MOCS2: variants seen among roughly 807,000 people sequenced by gnomAD.
The protein encoded by MOCS2 is molybdopterin synthase catalytic subunit.
MOCS2 carries 13 observed loss-of-function variants against 21.9 expected under a neutral mutation model. The ratio of observed to expected loss-of-function variants is 0.59; its 90% CI spans 0.39 to 0.94. The LOEUF is 0.94. Among genes scored for constraint, MOCS2 ranks in the 40% least tolerant of loss-of-function variants. The probability of loss-of-function intolerance (pLI) is 0.00; values close to 1 mark genes in which losing one functional copy is unlikely to be tolerated. For missense variants in MOCS2, 227 were observed against 218.3 expected (o/e 1.04, Z -0.25); for synonymous variants, 92 against 80.8 (o/e 1.14, Z -0.74).
intron 3 of MOCS2, among the ~76,000 whole-genome samples, chr5:53,106,398 G>A (rs1309990796): frequency 6.6e-6 from 1 of 152,174 alleles, no homozygotes; most frequent in Non-Finnish European, 1.5e-5. Flanking sequence ...GTCCTTTGCA[G>A]GGACATGGAT....
rs2112081965 is a variant in MOCS2, at chr5:53,100,411, CT to C, written c.500del (p.Lys167ArgfsTer28). On this transcript the variant is annotated frameshift_variant and splice_region_variant, in exon 6 of 7. Coordinates refer to ENST00000396954, the MANE Select transcript of MOCS2 (RefSeq NM_004531.5). LOFTEE classifies it high-confidence loss of function. ...TLKAKVPIWK[K>X]EIYEESSTWK... ...AAAATGTGTTATTTTCTTAACTTAC[CT>C]TTTTCCATATGGGCACCTTGGCTTT... The C allele has an allele frequency of 1.2e-6, 2 of 1,613,574 alleles. No homozygotes were observed. The highest frequency in any genetic ancestry group is 1.7e-6 in the Non-Finnish European group (2 of 1,179,682).
At chr5:53,107,411 T>C (rs1741080553) in intron 2 of MOCS2, 190 bp from the exon 3 acceptor site, 1 of 580,308 alleles carries the variant, frequency 1.7e-6, no homozygotes, top group East Asian at 2.9e-5. Flanking sequence ...ACCACAAAGA[T>C]ACGTTAAACT....
intron 4 of MOCS2, 126 bp downstream of exon 4, chr5:53,101,971 C>A: frequency 1.0e-6 from 1 of 972,408 alleles, no homozygotes. Context: ...AGTCTACCCA[C>A]CATCATCGGT....
At position 53,097,618 on chromosome 5, in the gene MOCS2, A is replaced by T. The variant is rs1023434299; in HGVS notation, c.*984T>A. 2 of 152,216 alleles carry T rather than the reference A, an allele frequency of 1.3e-5. No homozygotes were observed. The highest frequency in any genetic ancestry group is 4.8e-5 in the African/African-American group (2 of 41,460). The allele number at this position is 152,216 out of a possible 1,614,324, so 9.4% of individuals were successfully genotyped here. A position where few individuals can be genotyped will look rare whatever the true frequency, so the allele number is the denominator to read the frequency against. On this transcript the variant is annotated 3_prime_UTR_variant, in exon 7 of 7. Transcript: ENST00000396954. The stretch of plus-strand genomic sequence containing the variant: ...GAAATTTGCTGAGAGTAGACCTTAA[A>T]TATTCTCACCACACAGAAGAGGGGA...
chr5:53,102,071 T>G (rs767023422), intron 4 of MOCS2, 26 bp downstream of exon 4: 1 of 1,609,180 alleles, frequency 6.2e-7, no homozygotes, highest in Non-Finnish European at 8.5e-7. Flanking sequence ...TATACAGTGA[T>G]AGATGCAATG....
At chr5:53,105,691 C>CA (rs1201113232) in intron 3 of MOCS2, among the ~76,000 whole-genome samples, 2 of 152,104 alleles carry the variant, frequency 1.3e-5, no homozygotes, top group Non-Finnish European at 2.9e-5. Flanking sequence ...AAAGAAGACT[C>CA]AAAAAGCAAT....
In MOCS2 at chr5:53,097,540, G is replaced by C. The variant is rs1014438438; in HGVS notation, c.*1062C>G. 1.3e-5 allele frequency: 2 copies of C among 152,032 alleles called. No homozygotes were observed. The highest frequency in any genetic ancestry group is 4.8e-5 in the African/African-American group (2 of 41,382). The allele number at this position is 152,032 out of a possible 1,614,324, so 9.4% of individuals were successfully genotyped here. A position where few individuals can be genotyped will look rare whatever the true frequency, so the allele number is the denominator to read the frequency against. Reference sequence around the variant, plus strand: ...ATAATGCAAATTTTGTGATGATGCCGACTGCCCAAATTTTGCCTGTATTTT... The same window carrying C: ...ATAATGCAAATTTTGTGATGATGCCCACTGCCCAAATTTTGCCTGTATTTT... On this transcript the variant is annotated 3_prime_UTR_variant, in exon 7 of 7. Coordinates refer to ENST00000396954, the MANE Select transcript of MOCS2 (RefSeq NM_004531.5).
At chr5:53,100,380 C>T in intron 6 of MOCS2, 31 bp downstream of exon 6, 2 of 1,612,944 alleles carry the variant, frequency 1.2e-6, no homozygotes, top group Non-Finnish European at 1.7e-6. Flanking sequence ...ATCAGGTCCA[C>T]ATGCTAAAAT....
chr5:53,097,732 T>C lies in MOCS2; in HGVS notation c.*870A>G, dbSNP rs1740785952. On this transcript the variant is annotated 3_prime_UTR_variant, in exon 7 of 7. Transcript: ENST00000396954. Reference sequence around the variant, plus strand: ...GTATCAAAAATCACATTGTATACTTTAAATACATACAATTTTTGTCAAGTA... The same window carrying C: ...GTATCAAAAATCACATTGTATACTTCAAATACATACAATTTTTGTCAAGTA... 6.6e-6 allele frequency: 1 copy of C among 152,182 alleles called. No homozygotes were observed. The highest frequency in any genetic ancestry group is 1.5e-5 in the Non-Finnish European group (1 of 68,034). The allele number at this position is 152,182 out of a possible 1,614,324, so 9.4% of individuals were successfully genotyped here. A position where few individuals can be genotyped will look rare whatever the true frequency, so the allele number is the denominator to read the frequency against.
At chr5:53,108,389 C>CA (rs1175222834) in intron 2 of MOCS2, 133 bp downstream of exon 2, 120 of 888,798 alleles carry the variant, frequency 1.4e-4, no homozygotes, top group Middle Eastern at 7.8e-4. Context: ...TCAGGTGTTC[C>CA]AAAAAAAATA....
At chr5:53,104,514 A>G (rs988788324) in intron 3 of MOCS2, among the ~76,000 whole-genome samples, 24 of 152,222 alleles carry the variant, frequency 1.6e-4, no homozygotes, top group Admixed American at 5.2e-4. Flanking sequence ...AAAAAACTGC[A>G]TTTTTAGAAC....
intron 3 of MOCS2, among the ~76,000 whole-genome samples, chr5:53,103,377 A>C (rs1287649084): frequency 6.6e-6 from 1 of 152,160 alleles, no homozygotes; most frequent in Non-Finnish European, 1.5e-5. Context: ...TATGGTACCA[A>C]GCACCACACC....
rs554292176 is a variant in MOCS2 at position 53,105,050 on chromosome 5, A to T, written c.98+2027T>A. Reference sequence around the variant, plus strand: ...TTGTTTAGAAAGATGACAAGGTAGCATGGGTCAAAGAGCCACCTGCAACAC... The same window carrying T: ...TTGTTTAGAAAGATGACAAGGTAGCTTGGGTCAAAGAGCCACCTGCAACAC... On this transcript the variant is annotated intron_variant, in intron 3 of 6. Coordinates refer to ENST00000396954, the MANE Select transcript of MOCS2 (RefSeq NM_004531.5). Among the ~76,000 whole-genome samples the T allele has an allele frequency of 1.4e-4, 22 of 152,298 alleles. 1 individual carries two copies. The highest frequency in any genetic ancestry group is 2.0e-4 in the Admixed American group (3 of 15,304).
At chr5:53,101,641 T>G in intron 4 of MOCS2, 132 bp from the exon 5 acceptor site, 7 of 716,884 alleles carry the variant, frequency 9.8e-6, no homozygotes, top group Non-Finnish European at 1.4e-5. Flanking sequence ...TACCAATTCT[T>G]CTAAAACTAC....
intron 3 of MOCS2, among the ~76,000 whole-genome samples, chr5:53,102,679 G>A (rs1740947233): frequency 6.6e-6 from 1 of 152,142 alleles, no homozygotes; most frequent in East Asian, 1.9e-4. Flanking sequence ...GGGACCAGTG[G>A]CTCACACCTG....
chr5:53,101,044 A>T (rs1740893794), intron 5 of MOCS2: 1 of 408,884 alleles, frequency 2.4e-6, no homozygotes, highest in African/African-American at 2.0e-5. Context: ...AGGGGTACAA[A>T]AAGGCAAACC....
chr5:53,105,441 T>C (rs1032822889), intron 3 of MOCS2, among the ~76,000 whole-genome samples: 2 of 152,100 alleles, frequency 1.3e-5, no homozygotes, highest in Admixed American at 6.5e-5. Context: ...AACTATCTGA[T>C]CTTCAACAAA....
chr5:53,098,702 G>T, intron 6 of MOCS2, 35 bp from the exon 7 acceptor site: 1 of 1,390,270 alleles, frequency 7.2e-7, no homozygotes, highest in South Asian at 1.2e-5. Context: ...ATTAAAAATA[G>T]ACCATTCTAC....
intron 1 of MOCS2, among the ~76,000 whole-genome samples, chr5:53,108,992 T>C (rs1006161480): frequency 2.6e-5 from 4 of 152,210 alleles, no homozygotes; most frequent in African/African-American, 9.7e-5. Flanking sequence ...GAACAAATGT[T>C]TGAGTCAAGA....
Sources: gnomAD v4.1 joint callset for allele counts (sites outside exome capture counted in the v4.1 genomes callset) on GRCh38, gnomAD v4.1.1 for gene constraint, MANE v1.5 for transcripts, NCBI Gene and HGNC (gene_info 2026-07-23, HGNC 2026-07-21) for gene names.